The following HTR7 variants were observed in gnomAD, a reference collection of about 807,000 sequenced individuals.
HTR7 encodes 5-HT-7.
In HTR7, 16 loss-of-function variants were observed where a neutral mutation model predicts 34.0. The observed-to-expected ratio is 0.47, with a 90% CI of 0.32 to 0.71. The LOEUF (loss-of-function observed/expected upper bound fraction) is 0.71. Among genes scored for constraint, HTR7 ranks in the 30% least tolerant of loss-of-function variants. The pLI is 0.04. For synonymous variants in HTR7, 265 were observed against 260.2 expected (o/e 1.02, Z -0.18); for missense variants, 504 against 625.5 (o/e 0.81, Z 2.07).
At chr10:90,854,959 T>C (rs1036625756) in intron 1 of HTR7, among the ~76,000 whole-genome samples, 2 of 152,256 alleles carry the variant, frequency 1.3e-5, no homozygotes, top group African/African-American at 4.8e-5. Context: ...TGTCATATTC[T>C]ACAACGGAAT....
chr10:90,816,407 A>G (rs1845899746), intron 1 of HTR7, among the ~76,000 whole-genome samples: 1 of 152,220 alleles, frequency 6.6e-6, no homozygotes, highest in South Asian at 2.1e-4. Context: ...GAGATTAGAG[A>G]GAGAGAAATT....
intron 1 of HTR7, among the ~76,000 whole-genome samples, chr10:90,772,406 A>G (rs1317426127): frequency 2.6e-5 from 4 of 152,286 alleles, no homozygotes; most frequent in East Asian, 3.9e-4. Flanking sequence ...AAATTTATCA[A>G]TAAGAGTGGA....
chr10:90,792,594 AC>A (rs1343602816), intron 1 of HTR7, among the ~76,000 whole-genome samples: 8 of 152,198 alleles, frequency 5.3e-5, no homozygotes, highest in Middle Eastern at 3.4e-3. Flanking sequence ...GGCTTGACTT[AC>A]CATTTTTCAA....
intron 1 of HTR7, among the ~76,000 whole-genome samples, chr10:90,769,157 C>T (rs1484058109): frequency 6.6e-6 from 1 of 152,216 alleles, no homozygotes; most frequent in Non-Finnish European, 1.5e-5. Context: ...CATTTTACTT[C>T]TAACTGTAAG....
chr10:90,775,228 C>T (rs538951371), intron 1 of HTR7, among the ~76,000 whole-genome samples: 1 of 152,284 alleles, frequency 6.6e-6, no homozygotes, highest in Admixed American at 6.5e-5. Flanking sequence ...TTCCACTGCT[C>T]TTCGAGGCAA....
At chr10:90,770,665 C>G (rs924612096) in intron 1 of HTR7, among the ~76,000 whole-genome samples, 1 of 152,246 alleles carries the variant, frequency 6.6e-6, no homozygotes, top group Non-Finnish European at 1.5e-5. Flanking sequence ...CCCTGTCGCC[C>G]TGGCCCTCTC....
chr10:90,755,506 C>T (rs796110057), intron 1 of HTR7, among the ~76,000 whole-genome samples: 65 of 152,308 alleles, frequency 4.3e-4, no homozygotes, highest in African/African-American at 1.4e-3. Flanking sequence ...TATTCTATTT[C>T]AGACTTTTTA....
At chr10:90,756,007 G>T (rs1431500075) in intron 1 of HTR7, among the ~76,000 whole-genome samples, 2 of 152,136 alleles carry the variant, frequency 1.3e-5, no homozygotes, top group Non-Finnish European at 2.9e-5. Context: ...ATAAACTGTG[G>T]CATATTTATG....
chr10:90,823,119 G>A (rs1846013526), intron 1 of HTR7, among the ~76,000 whole-genome samples: 1 of 152,208 alleles, frequency 6.6e-6, no homozygotes. Context: ...AATCCCCACT[G>A]GGGCACTGCC....
At chr10:90,795,132 T>C (rs1845518578) in intron 1 of HTR7, among the ~76,000 whole-genome samples, 1 of 152,220 alleles carries the variant, frequency 6.6e-6, no homozygotes, top group Non-Finnish European at 1.5e-5. Context: ...ATTGCAGATA[T>C]CTCATCAACA....
intron 2 of HTR7, chr10:90,744,037 T>C (rs1844597215): frequency 7.0e-6 from 3 of 430,874 alleles, no homozygotes; most frequent in East Asian, 6.6e-5. Flanking sequence ...AACTATTATG[T>C]AGGAGAATAC....
At chr10:90,765,197 C>A in intron 1 of HTR7, among the ~76,000 whole-genome samples, 1 of 152,086 alleles carries the variant, frequency 6.6e-6, no homozygotes, top group Non-Finnish European at 1.5e-5. Flanking sequence ...ATTATTGATT[C>A]AATTGACTTA....
At chr10:90,764,056 C>A (rs558238535) in intron 1 of HTR7, among the ~76,000 whole-genome samples, 1 of 152,320 alleles carries the variant, frequency 6.6e-6, no homozygotes, top group South Asian at 2.1e-4. Flanking sequence ...AATGGTTGAA[C>A]TAATTTACAT....
intron 1 of HTR7, among the ~76,000 whole-genome samples, chr10:90,800,137 A>G (rs1179561029): frequency 6.6e-6 from 1 of 152,254 alleles, no homozygotes; most frequent in East Asian, 1.9e-4. Flanking sequence ...GGCTATAATG[A>G]AAACATCTAA....
chr10:90,759,955 A>T (rs1373450588), intron 1 of HTR7, among the ~76,000 whole-genome samples: 1 of 152,196 alleles, frequency 6.6e-6, no homozygotes, highest in East Asian at 1.9e-4. Context: ...GATGGCTTTC[A>T]TATTTTCCCA....
chr10:90,833,065 A>T (rs558086625), intron 1 of HTR7, among the ~76,000 whole-genome samples: 4 of 152,328 alleles, frequency 2.6e-5, no homozygotes, highest in African/African-American at 7.2e-5. Flanking sequence ...ATGAACTAGC[A>T]CAGGTCCCTT....
chr10:90,766,935 G>A (rs915129566), intron 1 of HTR7, among the ~76,000 whole-genome samples: 2 of 152,198 alleles, frequency 1.3e-5, no homozygotes, highest in South Asian at 4.1e-4. Flanking sequence ...TTCCTGTTGC[G>A]ATCTCTAGTT....
intron 1 of HTR7, among the ~76,000 whole-genome samples, chr10:90,823,557 G>A (rs1846022082): frequency 6.6e-6 from 1 of 152,198 alleles, no homozygotes; most frequent in Admixed American, 6.5e-5. Context: ...TGAGACTTTG[G>A]ACTTGGACTT....
At chr10:90,849,836 C>T (rs1327437518) in intron 1 of HTR7, among the ~76,000 whole-genome samples, 1 of 152,218 alleles carries the variant, frequency 6.6e-6, no homozygotes, top group African/African-American at 2.4e-5. Context: ...CACACTCACA[C>T]ACGCATGCAC....
Sources: gnomAD v4.1 joint callset for allele counts (sites outside exome capture counted in the v4.1 genomes callset) on GRCh38, gnomAD v4.1.1 for gene constraint, MANE v1.5 for transcripts, NCBI Gene and HGNC (gene_info 2026-07-23, HGNC 2026-07-21) for gene names.